FRAS1: variants seen among roughly 807,000 people sequenced by gnomAD.
FRAS1 encodes the protein extracellular matrix organizing protein FRAS1.
Under a neutral mutation model 435.2 loss-of-function variants are expected in FRAS1, and 290 were observed. That is an observed-to-expected ratio of 0.67 (90% CI 0.61 to 0.73). The LOEUF (loss-of-function observed/expected upper bound fraction) is 0.73, where lower values mean the gene tolerates loss of function less well. Among genes scored for constraint, FRAS1 ranks in the 30% least tolerant of loss-of-function variants. FRAS1 has a pLI of 0.00. For missense variants in FRAS1, 4,860 were observed against 5,001.5 expected (o/e 0.97, Z 0.85); for synonymous variants, 1,800 against 1,851.0 (o/e 0.97, Z 0.71).
intron 45 of FRAS1, 45 bp from the exon 46 acceptor site, chr4:78,451,727 C>G: frequency 6.6e-7 from 1 of 1,503,858 alleles, no homozygotes; most frequent in Non-Finnish European, 8.9e-7. Context: ...GAAATAAGGG[C>G]AGAAAGCACT....
At chr4:78,181,485 G>C (rs1325219069) in intron 2 of FRAS1, 25 of 1,611,562 alleles carry the variant, frequency 1.6e-5, no homozygotes, top group Non-Finnish European at 2.0e-5. Flanking sequence ...CGTTTGCCAC[G>C]AGAATCAAAT....
intron 2 of FRAS1, among the ~76,000 whole-genome samples, chr4:78,129,907 T>C (rs1719598155): frequency 6.6e-6 from 1 of 152,174 alleles, no homozygotes; most frequent in Non-Finnish European, 1.5e-5. Context: ...AATTTTCCAG[T>C]CTGGCAGCTT....
chr4:78,210,532 G>A (rs994945628), intron 2 of FRAS1, among the ~76,000 whole-genome samples: 4 of 152,078 alleles, frequency 2.6e-5, no homozygotes, highest in South Asian at 4.1e-4. Context: ...TTATATTTTC[G>A]GGCTTTCTTG....
intron 59 of FRAS1, among the ~76,000 whole-genome samples, chr4:78,496,106 A>G (rs968318951): frequency 2.6e-5 from 4 of 152,160 alleles, no homozygotes; most frequent in African/African-American, 9.6e-5. Flanking sequence ...TGACTCTACT[A>G]TTGAGGCTGC....
chr4:78,480,766 C>T (rs1245616996), intron 56 of FRAS1, among the ~76,000 whole-genome samples: 3 of 152,204 alleles, frequency 2.0e-5, no homozygotes, highest in East Asian at 1.9e-4. Context: ...ATACTGCTGG[C>T]AGAGGGGCAA....
intron 18 of FRAS1, among the ~76,000 whole-genome samples, chr4:78,332,060 C>T (rs1341352972): frequency 6.6e-6 from 1 of 152,142 alleles, no homozygotes; most frequent in African/African-American, 2.4e-5. Flanking sequence ...GTAGGGTAAG[C>T]AGGCTTAGGA....
chr4:78,302,304 C>T (rs1407809762), intron 14 of FRAS1, among the ~76,000 whole-genome samples: 9 of 151,544 alleles, frequency 5.9e-5, no homozygotes, highest in Admixed American at 6.6e-5. Flanking sequence ...TGAATAATGC[C>T]GCAATAAACA....
chr4:78,237,595 A>G lies in FRAS1; in HGVS notation c.194A>G (p.Asn65Ser). The G allele has an allele frequency of 6.2e-7, 1 of 1,608,746 alleles. No homozygotes were observed. Among genetic ancestry groups the G allele is most frequent in the Non-Finnish European group, 8.5e-7 (1 of 1,176,248 alleles). The stretch of plus-strand genomic sequence containing the variant: ...ATCTGCAAACCTGCTGTTTGCAGAA[A>G]CCCTCAATGTGCCTTTGAGAAGGTA... The part of the protein sequence containing the change: ...IVICKPAVCR[N>S]PQCAFEKGEV... Residue 65 changes from asparagine (N) to serine (S), a missense_variant, in exon 3 of 74, where the codon AAC (asparagine) becomes AGC (serine). Coordinates refer to ENST00000512123, the MANE Select transcript of FRAS1 (RefSeq NM_025074.7).
At chr4:78,090,066 C>T (rs978089077) in intron 2 of FRAS1, among the ~76,000 whole-genome samples, 3 of 74,050 alleles carry the variant, frequency 4.1e-5, no homozygotes, top group African/African-American at 9.9e-5. Flanking sequence ...CAGTGAAGAT[C>T]GTGGCATTGC....
chr4:78,379,963 A>G lies in FRAS1; in HGVS notation c.3530A>G (p.Lys1177Arg). The change falls in exon 27 of 74, where the codon AAA becomes AGA. Residue 1177 changes from lysine to arginine, a missense_variant. Lys to Arg is a conservative substitution (Grantham distance 26). Transcript: ENST00000512123. Reference sequence around the variant, plus strand: ...AGCTGGAAAGATGTGAACGAGAAGAAAGTGCGTTTTGTGCACAGCAAAGAA... The same window carrying G: ...AGCTGGAAAGATGTGAACGAGAAGAGAGTGCGTTTTGTGCACAGCAAAGAA... The part of the protein sequence containing the change: ...RFSWKDVNEK[K>R]VRFVHSKEKL... 1 of 1,613,608 alleles carries G rather than the reference A, an allele frequency of 6.2e-7. No individual in the cohort carries two copies. The highest frequency in any genetic ancestry group is 1.1e-5 in the South Asian group (1 of 90,982).
chr4:78,324,737 T>A (rs1227428987), intron 18 of FRAS1, among the ~76,000 whole-genome samples: 1 of 139,550 alleles, frequency 7.2e-6, no homozygotes, highest in African/African-American at 2.7e-5. Flanking sequence ...TTTTTCTGCA[T>A]GTCACACTAG....
chr4:78,466,185 C>G (rs778005513), intron 49 of FRAS1, 23 bp from the exon 50 acceptor site: 1 of 1,606,014 alleles, frequency 6.2e-7, no homozygotes, highest in East Asian at 2.2e-5. Context: ...TCCCTCCCCT[C>G]TGGTATTTTG....
intron 14 of FRAS1, among the ~76,000 whole-genome samples, chr4:78,297,747 C>T (rs1274514122): frequency 6.6e-6 from 1 of 151,820 alleles, no homozygotes; most frequent in Non-Finnish European, 1.5e-5. Context: ...TAATTTAAGC[C>T]CTGTGTGATC....
chr4:78,253,594 T>C (rs1725651270), intron 5 of FRAS1, among the ~76,000 whole-genome samples: 1 of 152,162 alleles, frequency 6.6e-6, no homozygotes, highest in African/African-American at 2.4e-5. Context: ...ACCCCAACTC[T>C]TCTCTTTCTT....
At chr4:78,355,957 G>A (rs1464658816) in intron 20 of FRAS1, among the ~76,000 whole-genome samples, 1 of 152,204 alleles carries the variant, frequency 6.6e-6, no homozygotes, top group African/African-American at 2.4e-5. Context: ...CAAATAAGAA[G>A]AATTCACGAG....
chr4:78,433,454 T>C (rs1287763311), intron 38 of FRAS1, among the ~76,000 whole-genome samples: 6 of 152,206 alleles, frequency 3.9e-5, no homozygotes, highest in South Asian at 2.1e-4. Context: ...TAGACTTTTA[T>C]TTTTTTAATG....
intron 2 of FRAS1, among the ~76,000 whole-genome samples, chr4:78,204,216 C>A (rs1006565013): frequency 6.6e-6 from 1 of 152,134 alleles, no homozygotes; most frequent in African/African-American, 2.4e-5. Flanking sequence ...GAATCCCAAG[C>A]CTATATTTCC....
intron 2 of FRAS1, among the ~76,000 whole-genome samples, chr4:78,129,354 A>G (rs1478333223): frequency 1.3e-5 from 2 of 152,222 alleles, no homozygotes; most frequent in Non-Finnish European, 2.9e-5. Flanking sequence ...GAGAAAGCCT[A>G]GAGAATATGT....
intron 2 of FRAS1, among the ~76,000 whole-genome samples, chr4:78,126,521 A>G (rs967104471): frequency 1.3e-5 from 2 of 152,214 alleles, no homozygotes; most frequent in Non-Finnish European, 2.9e-5. Flanking sequence ...CTGTTCCTAT[A>G]TGGCTATCTT....
Sources: gnomAD v4.1 joint callset for allele counts (sites outside exome capture counted in the v4.1 genomes callset) on GRCh38, gnomAD v4.1.1 for gene constraint, MANE v1.5 for transcripts, NCBI Gene and HGNC (gene_info 2026-07-23, HGNC 2026-07-21) for gene names.